ANKRD2: variants seen among roughly 807,000 people sequenced by gnomAD.
ANKRD2 encodes the protein ankyrin repeat domain-containing protein 2.
In ANKRD2, 35 loss-of-function variants were observed where a neutral mutation model predicts 37.3. The observed-to-expected ratio is 0.94, with a 90% confidence interval of 0.72 to 1.24. The LOEUF (loss-of-function observed/expected upper bound fraction) is 1.24. ANKRD2 is among the 50% of genes most tolerant of loss of function. The pLI is 0.00. For missense variants in ANKRD2, 410 were observed against 445.6 expected (o/e 0.92, Z 0.72); for synonymous variants, 159 against 186.5 (o/e 0.85, Z 1.20).
chr10:97,578,751 G>T, intron 4 of ANKRD2, 146 bp downstream of exon 4: 3 of 648,428 alleles, frequency 4.6e-6, no homozygotes, highest in Non-Finnish European at 8.1e-6. Context: ...GCTCAGAATG[G>T]GTGTCCCTTC....
chr10:97,581,492 C>T, intron 6 of ANKRD2, 78 bp downstream of exon 6: 8 of 1,427,024 alleles, frequency 5.6e-6, no homozygotes, highest in Non-Finnish European at 7.8e-6. Context: ...GGCAGGAAAG[C>T]CTAGGGGGCA....
At chr10:97,578,989 G>T (rs1170129292) in intron 4 of ANKRD2, among the ~76,000 whole-genome samples, 1 of 152,034 alleles carries the variant, frequency 6.6e-6, no homozygotes, top group Non-Finnish European at 1.5e-5. Context: ...TCTGTAAAAT[G>T]GCCTACTTCC....
intron 1 of ANKRD2, 110 bp from the exon 2 acceptor site, chr10:97,577,690 G>C: frequency 1.1e-6 from 1 of 882,502 alleles, no homozygotes; most frequent in Non-Finnish European, 1.7e-6. Flanking sequence ...AGCCAGAAGG[G>C]CTCTGAGACC....
intron 4 of ANKRD2, among the ~76,000 whole-genome samples, chr10:97,580,317 C>T (rs2040881755): frequency 1.3e-5 from 2 of 152,170 alleles, no homozygotes; most frequent in African/African-American, 2.4e-5. Flanking sequence ...GTGGCTTGAG[C>T]GTTTCAAAAG....
intron 2 of ANKRD2, 28 bp from the exon 3 acceptor site, chr10:97,578,212 T>TG (rs756159310): frequency 2.2e-5 from 29 of 1,313,480 alleles, no homozygotes; most frequent in Middle Eastern, 2.3e-4. Flanking sequence ...CTGCCCGGCC[T>TG]GGGGGGTTGA....
chr10:97,582,543 C>T, intron 7 of ANKRD2, 61 bp from the exon 8 acceptor site: 1 of 1,581,222 alleles, frequency 6.3e-7, no homozygotes, highest in Non-Finnish European at 8.7e-7. Context: ...GCCCACCTCC[C>T]ATCACCCTTG....
intron 8 of ANKRD2, among the ~76,000 whole-genome samples, chr10:97,583,151 C>T (rs1306541765): frequency 6.6e-6 from 1 of 152,168 alleles, no homozygotes; most frequent in African/African-American, 2.4e-5. Flanking sequence ...ACACCTTGGA[C>T]TAGGGAACAC....
rs1351593503 is a variant in ANKRD2 at position 97,582,623 on chromosome 10, A to G, written c.773A>G (p.His258Arg). Residue 258 changes from histidine (H) to arginine (R), a missense_variant, in exon 8 of 9, where the codon CAT becomes CGT. Physicochemically the swap from His to Arg is conservative, Grantham distance 29. Coordinates refer to ENST00000370655, the MANE Select transcript of ANKRD2 (RefSeq NM_001346793.2). ...ARDREGDTAL[H>R]DAVRLNRYKI... ...CTCTAGGAAGGGGATACTGCCCTGC[A>G]TGACGCTGTGAGGCTCAACCGCTAC... 2.5e-6 allele frequency: 4 copies of G among 1,614,162 alleles called. No individual in the cohort carries two copies. Among genetic ancestry groups the G allele is most frequent in the South Asian group, 2.2e-5 (2 of 91,084 alleles).
rs1445990194 is a variant in ANKRD2, at chr10:97,583,568, C to T, written c.853-8C>T. 3 of 1,595,908 alleles carry T rather than the reference C, an allele frequency of 1.9e-6. No individual in the cohort carries two copies. The highest frequency in any genetic ancestry group is 1.1e-5 in the South Asian group (1 of 88,026). On this transcript the variant is annotated splice_polypyrimidine_tract_variant and splice_region_variant and intron_variant, in intron 8 of 8. Coordinates refer to ENST00000370655, the MANE Select transcript of ANKRD2 (RefSeq NM_001346793.2). ...GCCAACCCCCACGCCCCGTCCCGCCCCCTCCAGGCAGGAAAGACCCCGACG... is the reference window on the plus strand; with the variant it reads ...GCCAACCCCCACGCCCCGTCCCGCCTCCTCCAGGCAGGAAAGACCCCGACG...
chr10:97,572,746 G>A (rs1295354908), upstream of ANKRD2: 3 of 1,604,912 alleles, frequency 1.9e-6, no homozygotes, highest in Admixed American at 5.1e-5. Flanking sequence ...TGGGTGCTCT[G>A]GCCTATAAAG....
In ANKRD2 at chr10:97,581,398, C is replaced by A; in HGVS notation, c.638C>A (p.Thr213Asn). The A allele has an allele frequency of 1.2e-6, 2 of 1,614,106 alleles. No homozygotes were observed. Among genetic ancestry groups the A allele is most frequent in the Non-Finnish European group, 1.7e-6 (2 of 1,179,986 alleles). ...VKLLQSHGAD[T>N]NVRDKLLSTP... is the part of the protein sequence containing the mutation. ...CTTCTGCAAAGCCATGGAGCAGACA[C>A]CAATGTGAGGGATAAGGTGAGGCAA... The change falls in exon 6 of 9, where the codon ACC becomes AAC. Residue 213 changes from threonine (T) to asparagine (N), a missense_variant. Coordinates refer to ENST00000370655, the MANE Select transcript of ANKRD2 (RefSeq NM_001346793.2).
Position 97,582,757 on chromosome 10 carries a change from G to A in ANKRD2, c.852+55G>A, listed in dbSNP as rs1020368712. 18 of 1,539,974 alleles carry A rather than the reference G, an allele frequency of 1.2e-5. No homozygotes were observed. The Admixed American group carries it at 2.7e-4, about 23-fold the overall frequency. On this transcript the variant is annotated intron_variant, in intron 8 of 8. Transcript: ENST00000370655. ...CTGGCGTGAGCACTCATACAGTGGAGGTGCTGTCCTGGTCCCTGGAGCAGC... is the reference window on the plus strand; with the variant it reads ...CTGGCGTGAGCACTCATACAGTGGAAGTGCTGTCCTGGTCCCTGGAGCAGC...
At chr10:97,581,203 T>C in intron 5 of ANKRD2, 113 bp from the exon 6 acceptor site, 2 of 1,125,046 alleles carry the variant, frequency 1.8e-6, no homozygotes, top group South Asian at 1.4e-5. Context: ...TGCCCAGGCC[T>C]GCTCCCTGTA....
In ANKRD2 at chr10:97,574,731, A is replaced by G. The variant is rs911585531; in HGVS notation, c.87+1856A>G. Among the ~76,000 whole-genome samples the G allele has an allele frequency of 3.0e-4, 46 of 152,208 alleles. 1 individual carries two copies. Among genetic ancestry groups the G allele is most frequent in the African/African-American group, 1.1e-3 (44 of 41,456 alleles). On this transcript the variant is annotated intron_variant, in intron 1 of 8. Transcript: ENST00000370655. ...GGAGGAAGGAAGGGTCAAGACCCCA[A>G]GGGAAGAAGGGATGAGGTCAGGAAA...
intron 4 of ANKRD2, among the ~76,000 whole-genome samples, chr10:97,579,307 CTTTT>C (rs59132098): frequency 7.4e-6 from 1 of 135,588 alleles, no homozygotes. Context: ...TAGTACTGTA[CTTTT>C]TTTTTTTTTT....
At chr10:97,583,462 G>GC in intron 8 of ANKRD2, 114 bp from the exon 9 acceptor site, 1 of 1,003,774 alleles carries the variant, frequency 1.0e-6, no homozygotes, top group African/African-American at 1.7e-5. Context: ...AATGCCAGTT[G>GC]CCCCCATTTG....
rs145997894 is a variant in ANKRD2 at position 97,576,110 on chromosome 10, C to T, written c.88-1690C>T. On this transcript the variant is annotated intron_variant, in intron 1 of 8. Coordinates refer to ENST00000370655, the MANE Select transcript of ANKRD2 (RefSeq NM_001346793.2). ...AGAGAGAAAGCAGTGGCTAACAGAA[C>T]CTTCAGAATGAAGACCTGGGAAATC... 2.6e-5 allele frequency among the ~76,000 whole-genome samples: 4 copies of T among 152,288 alleles called. No individual in the cohort carries two copies. The East Asian group carries it at 7.7e-4, about 29-fold the overall frequency.
chr10:97,580,865 C>T lies in ANKRD2; in HGVS notation c.467C>T (p.Thr156Ile). The change falls in exon 5 of 9, where the codon ACA becomes ATA. Residue 156 changes from threonine (T) to isoleucine (I), a missense_variant. Coordinates refer to ENST00000370655, the MANE Select transcript of ANKRD2 (RefSeq NM_001346793.2). ...CCTCTCTGGGGACAGTTCCGTCGGA[C>T]AGCACTGCACCGAGCTTCCCTGGAA... Reference protein sequence around the residue: ...SADTCDQFRRTALHRASLEGH... With the variant: ...SADTCDQFRRIALHRASLEGH... 3 of 1,610,808 alleles carry T rather than the reference C, an allele frequency of 1.9e-6. No individual in the cohort carries two copies. In the South Asian group the frequency reaches 3.3e-5, roughly 18 times the overall value.
intron 1 of ANKRD2, among the ~76,000 whole-genome samples, chr10:97,574,181 G>C (rs2040794433): frequency 6.6e-6 from 1 of 152,148 alleles, no homozygotes; most frequent in South Asian, 2.1e-4. Flanking sequence ...TACTCAGGAG[G>C]CTGAGGCAGG....
Sources: allele counts gnomAD v4.1 joint callset (sites outside exome capture counted in the v4.1 genomes callset), GRCh38; gene constraint gnomAD v4.1.1; transcripts MANE v1.5; gene names NCBI Gene and HGNC (gene_info 2026-07-23, HGNC 2026-07-21).